Variants in NOL10 observed in about 807,000 individuals in gnomAD.
NOL10 encodes the protein nucleolar protein 10.
A neutral mutation model predicts 103.5 loss-of-function variants in NOL10; 58 were observed. That is an observed-to-expected ratio of 0.56 (90% CI 0.45 to 0.70). NOL10 has a LOEUF of 0.70. Among genes scored for constraint, NOL10 ranks in the 30% least tolerant of loss-of-function variants. The pLI, the probability that NOL10 is intolerant of heterozygous loss-of-function variation, is 0.00. For missense variants in NOL10, 763 were observed against 807.3 expected (o/e 0.95, Z 0.67); for synonymous variants, 287 against 282.5 (o/e 1.02, Z -0.16).
intron 1 of NOL10, among the ~76,000 whole-genome samples, chr2:10,684,864 T>C (rs1682040488): frequency 6.6e-6 from 1 of 152,240 alleles, no homozygotes; most frequent in East Asian, 1.9e-4. Context: ...CAGGGTCTCA[T>C]GCTTGCCCAG....
chr2:10,662,811 A>T (rs545059741), intron 9 of NOL10, 148 bp downstream of exon 9: 12 of 630,866 alleles, frequency 1.9e-5, no homozygotes, highest in South Asian at 4.1e-5. Flanking sequence ...CTCACTAGTG[A>T]GCTTTTACAG....
chr2:10,648,739 G>A (rs1036078220), intron 12 of NOL10, among the ~76,000 whole-genome samples: 1 of 151,772 alleles, frequency 6.6e-6, no homozygotes, highest in Admixed American at 6.6e-5. Context: ...AAAATACACG[G>A]TAGAGGATCA....
intron 8 of NOL10, 65 bp downstream of exon 8, chr2:10,667,153 T>C (rs1025582273): frequency 1.3e-5 from 16 of 1,228,320 alleles, no homozygotes; most frequent in African/African-American, 6.0e-5. Context: ...AACTCAGTCT[T>C]TAAATAAAAA....
chr2:10,613,302 C>A (rs1164737789), intron 13 of NOL10, among the ~76,000 whole-genome samples: 1 of 152,182 alleles, frequency 6.6e-6, no homozygotes, highest in Non-Finnish European at 1.5e-5. Context: ...ATTTCTTCAA[C>A]TTCATTCATT....
intron 19 of NOL10, among the ~76,000 whole-genome samples, chr2:10,578,677 T>C (rs956702994): frequency 6.6e-6 from 1 of 152,232 alleles, no homozygotes; most frequent in African/African-American, 2.4e-5. Context: ...TGTTTTATTA[T>C]AAACTAGAAC....
intron 12 of NOL10, among the ~76,000 whole-genome samples, chr2:10,649,747 C>A (rs1558321599): frequency 6.6e-6 from 1 of 152,122 alleles, no homozygotes; most frequent in Admixed American, 6.6e-5. Flanking sequence ...CTCTGCAGCC[C>A]CCCTGGTCAC....
At chr2:10,579,005 CT>C (rs908176370) in intron 19 of NOL10, among the ~76,000 whole-genome samples, 1 of 152,248 alleles carries the variant, frequency 6.6e-6, no homozygotes, top group African/African-American at 2.4e-5. Flanking sequence ...GTGAAAGAGT[CT>C]TTTTTTCCCT....
chr2:10,577,812 T>G (rs1674537930), intron 19 of NOL10, 74 bp from the exon 20 acceptor site: 1 of 945,368 alleles, frequency 1.1e-6, no homozygotes, highest in South Asian at 1.5e-5. Context: ...AAGTTTTGAT[T>G]AGAATTGATA....
At chr2:10,595,144 CAGAGAGAGAGAGAGAG>C (rs77723934) in intron 17 of NOL10, among the ~76,000 whole-genome samples, 71 of 124,148 alleles carry the variant, frequency 5.7e-4, no homozygotes, top group Admixed American at 8.3e-4. Context: ...GGGGAGGGGG[CAGAGAGAGAGAGAGAG>C]AGAGAGAGAG....
intron 19 of NOL10, among the ~76,000 whole-genome samples, chr2:10,582,951 C>T (rs2148149333): frequency 6.6e-6 from 1 of 152,326 alleles, no homozygotes; most frequent in South Asian, 2.1e-4. Context: ...TTCTATCTCC[C>T]AGTCACTTGT....
At chr2:10,680,281 A>C (rs1681646661) in intron 3 of NOL10, among the ~76,000 whole-genome samples, 1 of 137,734 alleles carries the variant, frequency 7.3e-6, no homozygotes, top group African/African-American at 2.7e-5. Flanking sequence ...TTAAAAAAGA[A>C]GGAGAAGAAG....
At chr2:10,621,990 T>C in intron 13 of NOL10, 1 of 436,214 alleles carries the variant, frequency 2.3e-6, no homozygotes, top group Non-Finnish European at 4.7e-6. Context: ...AAATTAAAAA[T>C]TCAGTCCCTT....
At chr2:10,603,666 C>T (rs1676103679) in intron 14 of NOL10, among the ~76,000 whole-genome samples, 1 of 152,180 alleles carries the variant, frequency 6.6e-6, no homozygotes, top group African/African-American at 2.4e-5. Context: ...CATATTAATA[C>T]TCATATCACA....
Position 10,654,522 on chromosome 2 carries a change from G to T in NOL10, c.932C>A (p.Pro311Gln). ...NSGKIFTSLE[P>Q]EHDLNDVCLY... is the part of the protein sequence containing the mutation. Reference sequence around the variant, plus strand: ...ACAAACATCATTAAGGTCATGCTCTGGCTCCAAGGAAGTAAATATTTTTCC... The same window carrying T: ...ACAAACATCATTAAGGTCATGCTCTTGCTCCAAGGAAGTAAATATTTTTCC... Residue 311 changes from proline (P) to glutamine (Q), a missense_variant, in exon 12 of 21, where the codon CCA (proline) becomes CAA (glutamine). Physicochemically the swap from Pro to Gln is moderately conservative, Grantham distance 76. Coordinates refer to ENST00000381685, the MANE Select transcript of NOL10 (RefSeq NM_024894.4). 6.3e-7 allele frequency: 1 copy of T among 1,599,454 alleles called. No homozygotes were observed. The highest frequency in any genetic ancestry group is 8.5e-7 in the Non-Finnish European group (1 of 1,175,830).
chr2:10,655,707 G>A (rs1017421158), intron 11 of NOL10, among the ~76,000 whole-genome samples: 1 of 152,204 alleles, frequency 6.6e-6, no homozygotes, highest in African/African-American at 2.4e-5. Flanking sequence ...AAAATTTACT[G>A]TAGCAATTAC....
intron 13 of NOL10, among the ~76,000 whole-genome samples, chr2:10,643,958 A>C (rs1678886809): frequency 6.6e-6 from 1 of 152,126 alleles, no homozygotes; most frequent in African/African-American, 2.4e-5. Context: ...CCAATTTAAA[A>C]AGTATCTTTG....
chr2:10,607,118 T>C, intron 14 of NOL10, 67 bp downstream of exon 14: 1 of 1,148,958 alleles, frequency 8.7e-7, no homozygotes, highest in South Asian at 1.9e-5. Flanking sequence ...AATTCTCATG[T>C]TCAAAACTCA....
intron 13 of NOL10, among the ~76,000 whole-genome samples, chr2:10,642,736 G>T (rs543547808): frequency 6.6e-6 from 1 of 151,922 alleles, no homozygotes; most frequent in Non-Finnish European, 1.5e-5. Context: ...TCACCCAGTC[G>T]ACGCAGCTAT....
intron 20 of NOL10, among the ~76,000 whole-genome samples, chr2:10,575,569 T>A (rs1167092369): frequency 6.6e-6 from 1 of 152,240 alleles, no homozygotes; most frequent in East Asian, 1.9e-4. Context: ...ATACTTTTTT[T>A]ATAAACAAAA....
Sources: allele counts gnomAD v4.1 joint callset (sites outside exome capture counted in the v4.1 genomes callset), GRCh38; gene constraint gnomAD v4.1.1; transcripts MANE v1.5; gene names NCBI Gene and HGNC (gene_info 2026-07-23, HGNC 2026-07-21).